Variants in SYNE2 observed in about 807,000 individuals in gnomAD.
SYNE2 encodes nesprin-2.
In SYNE2, 431 loss-of-function variants were observed where a neutral mutation model predicts 856.3. The observed-to-expected ratio is 0.50, with a 90% CI of 0.47 to 0.55. SYNE2 has a LOEUF of 0.55. Among genes scored for constraint, SYNE2 ranks in the 20% least tolerant of loss-of-function variants. SYNE2 has a pLI of 0.00. For synonymous variants in SYNE2, 2,923 were observed against 2,872.3 expected, an observed-to-expected ratio of 1.02 and a Z score of -0.56; for missense variants, 8,129 against 8,023.2, an observed-to-expected ratio of 1.01 and a Z score of -0.50.
chr14:64,130,009 G>T (rs2097997941), intron 75 of SYNE2, 39 bp from the exon 76 acceptor site: 1 of 1,613,288 alleles, frequency 6.2e-7, no homozygotes. Flanking sequence ...GCCCCGGTTG[G>T]ATGAAAATGC....
intron 49 of SYNE2, among the ~76,000 whole-genome samples, chr14:64,062,168 CAAAT>C (rs1164629252): frequency 6.6e-6 from 1 of 152,000 alleles, no homozygotes; most frequent in Non-Finnish European, 1.5e-5. Flanking sequence ...TTGATTGTAA[CAAAT>C]ACTTTCTAAA....
intron 1 of SYNE2, among the ~76,000 whole-genome samples, chr14:63,832,160 A>G (rs1396512978): frequency 6.6e-6 from 1 of 152,000 alleles, no homozygotes; most frequent in African/African-American, 2.4e-5. Flanking sequence ...TCTGAGCTCT[A>G]AAGATAAATT....
At chr14:63,970,578 T>C (rs1402074026) in intron 11 of SYNE2, among the ~76,000 whole-genome samples, 1 of 152,048 alleles carries the variant, frequency 6.6e-6, no homozygotes, top group Admixed American at 6.6e-5. Flanking sequence ...ATCATTTAAC[T>C]CTTTGTTTTG....
chr14:64,074,040 A>G lies in SYNE2; in HGVS notation c.10770A>G (p.Lys3590=), dbSNP rs200301350. ...TCCAAGAAAGACATTCCTTCACAAA[A>G]GAGATAATTGCTTTGAAGAATTTCT... is the stretch of plus-strand genomic sequence containing the variant. ...TEIQERHSFT[K]EIIALKNFFQ... Residue 3590 remains lysine, a synonymous_variant, in exon 53 of 116, where the codon AAA becomes AAG. Transcript: ENST00000555002. 59 of 1,614,122 alleles carry G rather than the reference A, an allele frequency of 3.7e-5. No individual in the cohort carries two copies. Among genetic ancestry groups the G allele is most frequent in the Admixed American group, 8.3e-5 (5 of 60,012 alleles).
chr14:63,995,327 G>A (rs2096704799), intron 23 of SYNE2, 125 bp downstream of exon 23: 2 of 742,798 alleles, frequency 2.7e-6, no homozygotes, highest in African/African-American at 1.8e-5. Context: ...TCTCCCCGGG[G>A]ATGATCACTT....
At chr14:64,167,419 ATTAAGGT>A in intron 91 of SYNE2, 32 bp downstream of exon 91, 1 of 1,614,224 alleles carries the variant, frequency 6.2e-7, no homozygotes, top group Non-Finnish European at 8.5e-7. Context: ...CGTTGTTTCA[ATTAAGGT>A]AAAATTAACG....
At chr14:64,082,849 C>T (rs1252736410) in intron 57 of SYNE2, among the ~76,000 whole-genome samples, 1 of 152,216 alleles carries the variant, frequency 6.6e-6, no homozygotes, top group African/African-American at 2.4e-5. Context: ...CTTGCTGGTA[C>T]TCCACACATG....
rs761158830 is a variant in SYNE2 at position 64,113,480 on chromosome 14, T to A, written c.12749T>A (p.Leu4250Gln). 1.2e-6 allele frequency: 2 copies of A among 1,614,174 alleles called. No homozygotes were observed. Among genetic ancestry groups the A allele is most frequent in the Non-Finnish European group, 1.7e-6 (2 of 1,180,014 alleles). ...ACKTQVAELE[L>Q]WLQQANVAVE... ...AAGACCCAGGTGGCCGAGCTGGAGCTGTGGCTGCAACAAGCCAACGTGGCA... is the reference window on the plus strand; with the variant it reads ...AAGACCCAGGTGGCCGAGCTGGAGCAGTGGCTGCAACAAGCCAACGTGGCA... The change falls in exon 66 of 116, where the codon CTG becomes CAG. Residue 4250 changes from leucine to glutamine, a missense_variant. By Grantham distance (113) the Leu-to-Gln change is moderately radical. Transcript: ENST00000555002.
intron 2 of SYNE2, among the ~76,000 whole-genome samples, chr14:63,933,104 G>A (rs969440184): frequency 6.6e-6 from 1 of 152,106 alleles, no homozygotes; most frequent in African/African-American, 2.4e-5. Flanking sequence ...CCAATCATAG[G>A]AGGAGAAGAA....
Position 64,202,816 on chromosome 14 carries a change from G to A in SYNE2, c.18054G>A (p.Lys6018=), listed in dbSNP as rs752686051. 8.1e-6 allele frequency: 13 copies of A among 1,614,160 alleles called. No homozygotes were observed. In the South Asian group the frequency reaches 1.4e-4, roughly 18 times the overall value. ...DVIGSRVKKL[K]ETFAFIQQLD... ...ATATGTGTAGGGTGAAGAAGCTGAA[G>A]GAGACCTTTGCTTTTATTCAGCAGT... The change falls in exon 100 of 116, where the codon AAG becomes AAA. Residue 6018 remains lysine, a synonymous_variant. Coordinates refer to ENST00000555002, the MANE Select transcript of SYNE2 (RefSeq NM_182914.3).
chr14:63,895,311 A>T (rs559538727), intron 1 of SYNE2, among the ~76,000 whole-genome samples: 46 of 151,238 alleles, frequency 3.0e-4, no homozygotes, highest in African/African-American at 1.0e-3. Context: ...GGGTTTCACC[A>T]TATTGGCCAG....
chr14:63,900,067 G>A (rs917187840), intron 1 of SYNE2, among the ~76,000 whole-genome samples: 2 of 152,138 alleles, frequency 1.3e-5, no homozygotes, highest in African/African-American at 4.8e-5. Flanking sequence ...AGAGCATCTG[G>A]GACTAGGTCA....
rs536953992 is a variant in SYNE2 at position 63,909,331 on chromosome 14, A to T, written c.79+104A>T. 3.6e-4 allele frequency: 247 copies of T among 681,862 alleles called. 2 individuals are homozygous for T. In the African/African-American group the frequency reaches 4.2e-3, roughly 12 times the overall value. The allele number at this position is 681,862 out of a possible 1,614,324, so 42.2% of individuals were successfully genotyped here. ...TTTCGTCTCTCTTATGGAGATAAAT[A>T]TATCTGTATTTTTCCAACTGTAGAA... On this transcript the variant is annotated intron_variant, in intron 2 of 115. Transcript: ENST00000555002.
rs187600277 is a variant in SYNE2 at position 64,226,033 on chromosome 14, C to T, written c.*507C>T. 12 of 207,570 alleles carry T rather than the reference C, an allele frequency of 5.8e-5. No homozygotes were observed. The highest frequency in any genetic ancestry group is 9.8e-5 in the Non-Finnish European group (10 of 101,580). 12.9% of individuals were successfully genotyped at this position (207,570 alleles called of 1,614,324 possible). A position where few individuals can be genotyped will look rare whatever the true frequency, so the allele number is the denominator to read the frequency against. ...CAATCAGCTGGCAATTTTGAGCTGC[C>T]GGTTATACACCAAAATGTTCTGTTC... On this transcript the variant is annotated 3_prime_UTR_variant, in exon 116 of 116. Transcript: ENST00000555002.
rs145740173 is a variant in SYNE2, at chr14:64,034,719, A to G, written c.7221+3362A>G. 319 of 402,314 alleles carry G rather than the reference A, an allele frequency of 7.9e-4. 2 individuals carry two copies. The highest frequency in any genetic ancestry group is 6.2e-3 in the African/African-American group (302 of 48,996). 24.9% of individuals were successfully genotyped at this position (402,314 alleles called of 1,614,324 possible). ...GTATTTGTGCTTATGATTCAATACCATACTGCATATTTTTATAGATGCGTA... is the reference window on the plus strand; with the variant it reads ...GTATTTGTGCTTATGATTCAATACCGTACTGCATATTTTTATAGATGCGTA... On this transcript the variant is annotated intron_variant, in intron 45 of 115. Coordinates refer to ENST00000555002, the MANE Select transcript of SYNE2 (RefSeq NM_182914.3).
chr14:64,090,930 A>G lies in SYNE2; in HGVS notation c.11858A>G (p.Glu3953Gly). The change falls in exon 60 of 116, where the codon GAA (glutamate) becomes GGA (glycine). Residue 3953 changes from glutamate to glycine, a missense_variant. Around this residue, in one of 3 missense-constraint regions of SYNE2, gnomAD observed 5,410 missense variants for 5,284.8 expected, o/e 1.02. Coordinates refer to ENST00000555002, the MANE Select transcript of SYNE2 (RefSeq NM_182914.3). Reference protein sequence around the residue: ...TIAEIVSYQVELRLPQTGMKP... With the variant: ...TIAEIVSYQVGLRLPQTGMKP... ...GCTGAGATAGTGTCTTACCAAGTGG[A>G]ACTGAGGTTGCCCCAAACAGGAATG... 6.2e-7 allele frequency: 1 copy of G among 1,614,180 alleles called. No homozygotes were observed. The highest frequency in any genetic ancestry group is 8.5e-7 in the Non-Finnish European group (1 of 1,180,006).
rs1279949494 is a variant in SYNE2 at position 64,142,023 on chromosome 14, G to T, written c.15241G>T (p.Asp5081Tyr). ...GAACAATGTGGAGCATCAAACTTCA[G>T]ATGAAGACTCCGTGCATTCACCAAG... Reference protein sequence around the residue: ...WMNNVEHQTSDEDSVHSPSSA... With the variant: ...WMNNVEHQTSYEDSVHSPSSA... The change falls in exon 82 of 116, where the codon GAT becomes TAT. Residue 5081 changes from aspartate (D) to tyrosine (Y), a missense_variant. Coordinates refer to ENST00000555002, the MANE Select transcript of SYNE2 (RefSeq NM_182914.3). 2 of 1,614,010 alleles carry T rather than the reference G, an allele frequency of 1.2e-6. No homozygotes were observed. The highest frequency in any genetic ancestry group is 1.3e-5 in the African/African-American group (1 of 74,930).
intron 7 of SYNE2, 135 bp downstream of exon 7, chr14:63,950,141 C>T (rs1328220916): frequency 1.1e-5 from 11 of 1,039,678 alleles, no homozygotes; most frequent in Admixed American, 9.4e-5. Context: ...TTCTTCCATA[C>T]GTGGAAGCCC....
chr14:63,814,791 TATATATCCATATATATCC>T (rs1888817578), intron 1 of SYNE2, among the ~76,000 whole-genome samples: 1 of 131,044 alleles, frequency 7.6e-6, no homozygotes, highest in Non-Finnish European at 1.6e-5. Flanking sequence ...TATATATCCA[TATATATCCATATATATCC>T]ATATATATAT....
Sources: allele counts gnomAD v4.1 joint callset (sites outside exome capture counted in the v4.1 genomes callset), GRCh38; gene constraint gnomAD v4.1.1; regional missense constraint gnomAD v4.1.1; transcripts MANE v1.5; gene names NCBI Gene and HGNC (gene_info 2026-07-23, HGNC 2026-07-21).